The following OTOG variants were observed in gnomAD, a reference collection of about 807,000 sequenced individuals.
The protein encoded by OTOG is otogelin.
Under a neutral mutation model 313.8 loss-of-function variants are expected in OTOG, and 296 were observed. The observed-to-expected ratio is 0.94, with a 90% CI of 0.86 to 1.04. The LOEUF is 1.04. Ranked by LOEUF, OTOG falls within the 50% of genes least tolerant of loss-of-function variation. OTOG has a pLI of 0.00. For synonymous variants in OTOG, 1,533 were observed against 1,554.9 expected, an observed-to-expected ratio of 0.99 and a Z score of 0.33; for missense variants, 3,948 against 3,840.1, an observed-to-expected ratio of 1.03 and a Z score of -0.74.
chr11:17,559,774 G>A, intron 12 of OTOG, 112 bp downstream of exon 12: 1 of 808,714 alleles, frequency 1.2e-6, no homozygotes, highest in African/African-American at 2.1e-5. Context: ...AAGGAAAGGA[G>A]GGAGGGAGGG....
Position 17,635,653 on chromosome 11 carries a change from G to A in OTOG, c.7737G>A (p.Gly2579=). 6.4e-7 allele frequency: 1 copy of A among 1,550,574 alleles called. No individual in the cohort carries two copies. Among genetic ancestry groups the A allele is most frequent in the South Asian group, 1.2e-5 (1 of 84,064 alleles). The change falls in exon 47 of 56, where the codon GGG becomes GGA. Residue 2579 remains glycine, a synonymous_variant. Transcript: ENST00000399397. ...ACTCCATCCCCGAATGTCAAGAAGG[G>A]GAGGCGCTCACTGTGCACAGGAATA... ...CPDSIPECQE[G]EALTVHRNTT...
intron 39 of OTOG, among the ~76,000 whole-genome samples, chr11:17,626,150 A>C (rs1049796679): frequency 2.0e-5 from 3 of 152,008 alleles, no homozygotes; most frequent in Non-Finnish European, 4.4e-5. Context: ...ATTCTGTTCC[A>C]TTAGTCTATA....
rs770325147 is a variant in OTOG at position 17,610,955 on chromosome 11, T to A, written c.5655T>A (p.Ser1885=). The A allele has an allele frequency of 6.4e-7, 1 of 1,550,462 alleles. No homozygotes were observed. The highest frequency in any genetic ancestry group is 1.2e-5 in the South Asian group (1 of 84,054). ...GLLLGATLPT[S]GVLPVAEGTA... is the part of the protein sequence containing the mutation. ...TGCTGGGAGCCACATTGCCAACCTCTGGAGTCCTGCCTGTGGCTGAGGGCA... is the reference window on the plus strand; with the variant it reads ...TGCTGGGAGCCACATTGCCAACCTCAGGAGTCCTGCCTGTGGCTGAGGGCA... The change falls in exon 36 of 56, where the codon TCT becomes TCA. Residue 1885 remains serine, a synonymous_variant. Transcript: ENST00000399397.
intron 53 of OTOG, 141 bp downstream of exon 53, chr11:17,642,387 A>G (rs1847995570): frequency 8.5e-7 from 1 of 1,174,716 alleles, no homozygotes; most frequent in East Asian, 2.7e-5. Context: ...CCAAATCCAT[A>G]TGTCTCTCTG....
intron 39 of OTOG, 80 bp from the exon 40 acceptor site, chr11:17,629,053 T>C (rs935174867): frequency 1.5e-6 from 2 of 1,340,402 alleles, no homozygotes; most frequent in South Asian, 2.8e-5. Flanking sequence ...GATGGATGAA[T>C]GGATGGACGG....
At chr11:17,585,842 G>T (rs1852781098) in intron 23 of OTOG, among the ~76,000 whole-genome samples, 1 of 152,146 alleles carries the variant, frequency 6.6e-6, no homozygotes, top group Admixed American at 6.5e-5. Context: ...GTATTCTTTT[G>T]AAAAATAAAA....
chr11:17,638,003 A>G (rs1484900332), intron 47 of OTOG, among the ~76,000 whole-genome samples: 1 of 152,198 alleles, frequency 6.6e-6, no homozygotes, highest in African/African-American at 2.4e-5. Flanking sequence ...CCTAAAGACT[A>G]GGAAGAAAGG....
intron 19 of OTOG, 52 bp from the exon 20 acceptor site, chr11:17,574,668 T>A: frequency 6.7e-7 from 1 of 1,484,388 alleles, no homozygotes; most frequent in South Asian, 1.3e-5. Context: ...CCACTCCACA[T>A]AACTGTGGGG....
chr11:17,624,641 T>G (rs1853942153), intron 39 of OTOG, among the ~76,000 whole-genome samples: 1 of 152,220 alleles, frequency 6.6e-6, no homozygotes, highest in Non-Finnish European at 1.5e-5. Flanking sequence ...TTCGGGCTCA[T>G]TTTTGGTTCC....
intron 40 of OTOG, among the ~76,000 whole-genome samples, chr11:17,630,555 T>A (rs1422355059): frequency 6.6e-6 from 1 of 152,192 alleles, no homozygotes. Context: ...TTTATTTGAA[T>A]GAACATTTGA....
intron 28 of OTOG, among the ~76,000 whole-genome samples, chr11:17,594,523 T>A (rs984561677): frequency 2.0e-5 from 3 of 152,084 alleles, no homozygotes; most frequent in Non-Finnish European, 4.4e-5. Context: ...CTGAGGTGGG[T>A]TGAGGCAATC....
At chr11:17,555,605 G>C in intron 6 of OTOG, 174 bp from the exon 7 acceptor site, 1 of 567,056 alleles carries the variant, frequency 1.8e-6, no homozygotes, top group Non-Finnish European at 3.1e-6. Context: ...TCACCTCTCT[G>C]TGAATCCATT....
intron 30 of OTOG, among the ~76,000 whole-genome samples, chr11:17,597,779 C>A (rs1164608917): frequency 6.6e-6 from 1 of 152,190 alleles, no homozygotes; most frequent in Admixed American, 6.5e-5. Context: ...AAGCACCTCA[C>A]CTTGGGGTGC....
chr11:17,621,602 C>A (rs1317229737), intron 39 of OTOG, among the ~76,000 whole-genome samples: 2 of 152,110 alleles, frequency 1.3e-5, no homozygotes, highest in African/African-American at 4.8e-5. Flanking sequence ...AGAGCTCTCT[C>A]TCTCTCTCTC....
intron 27 of OTOG, 123 bp downstream of exon 27, chr11:17,593,879 C>T: frequency 3.5e-6 from 5 of 1,414,938 alleles, no homozygotes; most frequent in Non-Finnish European, 4.8e-6. Context: ...TCTCCTCCGC[C>T]CTGCTCTGGG....
intron 18 of OTOG, 124 bp downstream of exon 18, chr11:17,572,328 G>C (rs1044674286): frequency 7.4e-7 from 1 of 1,349,546 alleles, no homozygotes; most frequent in Non-Finnish European, 9.9e-7. Context: ...GATAAGAGAA[G>C]GAGGAGCAGC....
chr11:17,578,093 A>T (rs1746619552), intron 22 of OTOG, among the ~76,000 whole-genome samples: 1 of 152,120 alleles, frequency 6.6e-6, no homozygotes, highest in African/African-American at 2.4e-5. Context: ...TTGTTGCAGG[A>T]TTCAATATGA....
rs145181311 is a variant in OTOG, at chr11:17,563,321, C to T, written c.1644+1514C>T. On this transcript the variant is annotated intron_variant, in intron 15 of 55. Coordinates refer to ENST00000399397, the MANE Select transcript of OTOG (RefSeq NM_001292063.2). ...CCAGGGCAGCTGCCCCACAGTCCTG[C>T]CTCCCTGCTGGCCTTGCTCCAGCCC... 7.1e-3 allele frequency among the ~76,000 whole-genome samples: 1,075 copies of T among 152,354 alleles called. 10 individuals are homozygous for T. The highest frequency in any genetic ancestry group is 0.024 in the African/African-American group (1,009 of 41,584).
chr11:17,638,571 C>T, intron 48 of OTOG, 22 bp downstream of exon 48: 1 of 1,545,406 alleles, frequency 6.5e-7, no homozygotes, highest in Non-Finnish European at 8.8e-7. Flanking sequence ...GTCAGGACAG[C>T]CTCCCCGCTG....
Sources: gnomAD v4.1 joint callset for allele counts (sites outside exome capture counted in the v4.1 genomes callset) on GRCh38, gnomAD v4.1.1 for gene constraint, MANE v1.5 for transcripts, NCBI Gene and HGNC (gene_info 2026-07-23, HGNC 2026-07-21) for gene names.